The following LAMA3 variants were observed in gnomAD, a reference collection of about 807,000 sequenced individuals.
LAMA3 encodes the protein laminin subunit alpha-3.
In LAMA3, 281 loss-of-function variants were observed where a neutral mutation model predicts 402.0. That is an observed-to-expected ratio of 0.70 (90% confidence interval 0.63 to 0.77). The LOEUF is 0.77. Ranked by LOEUF, LAMA3 falls within the 30% of genes least tolerant of loss-of-function variation. LAMA3 has a pLI of 0.00. For missense variants in LAMA3, 3,840 were observed against 4,215.5 expected (o/e 0.91, Z 2.47); for synonymous variants, 1,431 against 1,558.4 (o/e 0.92, Z 1.93).
intron 42 of LAMA3, among the ~76,000 whole-genome samples, chr18:23,891,675 A>G (rs947148821): frequency 6.6e-6 from 1 of 152,200 alleles, no homozygotes; most frequent in African/African-American, 2.4e-5. Context: ...AAAATAAATA[A>G]ACCTTTAGCT....
intron 1 of LAMA3, among the ~76,000 whole-genome samples, chr18:23,709,489 T>C (rs2060949659): frequency 6.6e-6 from 1 of 151,360 alleles, no homozygotes; most frequent in Non-Finnish European, 1.5e-5. Context: ...AAAATCCTTC[T>C]TGTTCTTGTC....
At chr18:23,698,728 C>T (rs920757179) in intron 1 of LAMA3, among the ~76,000 whole-genome samples, 13 of 152,196 alleles carry the variant, frequency 8.5e-5, no homozygotes, top group African/African-American at 2.9e-4. Context: ...GGGTAATGTC[C>T]ATTCACTTCT....
At chr18:23,813,562 T>C (rs1381676705) in intron 14 of LAMA3, among the ~76,000 whole-genome samples, 2 of 146,778 alleles carry the variant, frequency 1.4e-5, no homozygotes, top group Non-Finnish European at 3.0e-5. Flanking sequence ...TCTTTTTTTT[T>C]TTTTTTTTTT....
intron 32 of LAMA3, among the ~76,000 whole-genome samples, chr18:23,849,941 A>T (rs1177687246): frequency 1.3e-5 from 2 of 152,246 alleles, no homozygotes; most frequent in Non-Finnish European, 2.9e-5. Context: ...ACATTACTGT[A>T]AATTGCACAA....
chr18:23,858,851 T>C, intron 34 of LAMA3, 22 bp downstream of exon 34: 3 of 1,612,266 alleles, frequency 1.9e-6, no homozygotes, highest in Non-Finnish European at 2.5e-6. Flanking sequence ...CAGAAAGTGC[T>C]GGGGAACATT....
intron 1 of LAMA3, among the ~76,000 whole-genome samples, chr18:23,691,631 G>C (rs1229584689): frequency 6.6e-6 from 1 of 152,150 alleles, no homozygotes; most frequent in Non-Finnish European, 1.5e-5. Flanking sequence ...GAGTGCAGTG[G>C]TGCTATCTTG....
At chr18:23,763,307 C>CT (rs1568158558) in intron 7 of LAMA3, 98 bp from the exon 8 acceptor site, 3 of 871,178 alleles carry the variant, frequency 3.4e-6, no homozygotes, top group Middle Eastern at 2.6e-4. Context: ...CCAGAATATA[C>CT]TTTTTTATAG....
intron 6 of LAMA3, among the ~76,000 whole-genome samples, chr18:23,756,929 G>GC (rs2061857520): frequency 1.7e-4 from 1 of 5,902 alleles, no homozygotes; most frequent in Non-Finnish European, 3.7e-4. Flanking sequence ...CCCTGCCCCC[G>GC]CCCCCCACTC....
intron 13 of LAMA3, 131 bp downstream of exon 13, chr18:23,810,634 A>G: frequency 9.9e-7 from 1 of 1,010,276 alleles, no homozygotes; most frequent in Non-Finnish European, 1.5e-6. Flanking sequence ...TCACAGATCT[A>G]GTCTGCTTGG....
intron 41 of LAMA3, among the ~76,000 whole-genome samples, chr18:23,887,071 C>CA (rs2065096446): frequency 6.6e-6 from 1 of 152,220 alleles, no homozygotes; most frequent in South Asian, 2.1e-4. Context: ...TTGCCTTACA[C>CA]TTATTCAGTT....
chr18:23,793,362 G>A (rs574706106), intron 12 of LAMA3, among the ~76,000 whole-genome samples: 131 of 152,124 alleles, frequency 8.6e-4, no homozygotes, highest in African/African-American at 3.0e-3. Flanking sequence ...GGTCAGCAAG[G>A]CCCCAAGATG....
chr18:23,742,216 A>G (rs796102655), intron 2 of LAMA3, among the ~76,000 whole-genome samples: 15 of 152,320 alleles, frequency 9.8e-5, no homozygotes, highest in South Asian at 4.1e-4. Context: ...TCTGTGACCA[A>G]TTCTATGATG....
At chr18:23,841,686 G>A (rs1304369448) in intron 27 of LAMA3, among the ~76,000 whole-genome samples, 1 of 152,156 alleles carries the variant, frequency 6.6e-6, no homozygotes, top group Non-Finnish European at 1.5e-5. Context: ...ACTTTGGGAG[G>A]CCAAGGCGGC....
Position 23,791,734 on chromosome 18 carries a change from T to TA in LAMA3, c.1603+7599dup, listed in dbSNP as rs11348422. Among the ~76,000 whole-genome samples, 341 of 89,576 alleles carry TA rather than the reference T, an allele frequency of 3.8e-3. 2 individuals are homozygous for TA. The highest frequency in any genetic ancestry group is 6.2e-3 in the East Asian group (14 of 2,264). 58.8% of individuals were successfully genotyped at this position (89,576 alleles called of 152,430 possible). ...GAACATCACAGACTGAGAATTTGTC[T>TA]AAAAAAAAAAAAAAAAAAAAAACCA... On this transcript the variant is annotated intron_variant, in intron 12 of 74. Transcript: ENST00000313654.
At chr18:23,776,841 C>CTTTTTT (rs34901172) in intron 10 of LAMA3, among the ~76,000 whole-genome samples, 2 of 135,888 alleles carry the variant, frequency 1.5e-5, no homozygotes, top group Non-Finnish European at 3.2e-5. Flanking sequence ...TTGTATTTGC[C>CTTTTTT]TTTTTTTTTT....
chr18:23,928,576 C>T, intron 63 of LAMA3, 49 bp from the exon 64 acceptor site: 1 of 1,588,896 alleles, frequency 6.3e-7, no homozygotes, highest in East Asian at 2.2e-5. Context: ...TGTATTTCAG[C>T]CAAGAAATGA....
chr18:23,748,548 A>G (rs1023659764), intron 3 of LAMA3, among the ~76,000 whole-genome samples: 8 of 151,852 alleles, frequency 5.3e-5, no homozygotes, highest in African/African-American at 1.7e-4. Context: ...TAATCCCAGC[A>G]CTTTGGGAAG....
rs926660800 is a variant in LAMA3, at chr18:23,689,641, C to A, written c.-43C>A. 39 of 1,251,990 alleles carry A rather than the reference C, an allele frequency of 3.1e-5. No homozygotes were observed. In the African/African-American group the frequency reaches 4.7e-4, roughly 15 times the overall value. The allele number at this position is 1,251,990 out of a possible 1,614,324, so 77.6% of individuals were successfully genotyped here. On this transcript the variant is annotated 5_prime_UTR_variant, in exon 1 of 75. Coordinates refer to ENST00000313654, the MANE Select transcript of LAMA3 (RefSeq NM_198129.4). ...GGCGGAGAGCGGCGGTGCCCCCGAG[C>A]CCCTCTGCGGACGGCTCAGGCGGGA...
At chr18:23,697,404 G>T (rs1193504787) in intron 1 of LAMA3, among the ~76,000 whole-genome samples, 1 of 152,160 alleles carries the variant, frequency 6.6e-6, no homozygotes, top group East Asian at 1.9e-4. Context: ...TGGCTCAGGA[G>T]CCTCTCATAT....
Sources: gnomAD v4.1 joint callset for allele counts (sites outside exome capture counted in the v4.1 genomes callset) on GRCh38, gnomAD v4.1.1 for gene constraint, MANE v1.5 for transcripts, NCBI Gene and HGNC (gene_info 2026-07-23, HGNC 2026-07-21) for gene names.